SON: variants seen among roughly 807,000 people sequenced by gnomAD.
SON encodes SON DNA and RNA binding protein, also known as protein SON.
Under a neutral mutation model 173.3 loss-of-function variants are expected in SON, and 4 were observed. The ratio of observed to expected loss-of-function variants is 0.02; its 90% CI spans 0.01 to 0.05. The LOEUF (loss-of-function observed/expected upper bound fraction) is 0.05, where lower values mean the gene tolerates loss of function less well. Among genes scored for constraint, SON ranks in the 10% least tolerant of loss-of-function variants. The pLI is 1.00. For missense variants in SON, 2,626 were observed against 3,055.3 expected, an observed-to-expected ratio of 0.86 and a Z score of 3.31; for synonymous variants, 1,190 against 1,105.9, an observed-to-expected ratio of 1.08 and a Z score of -1.51.
In SON at chr21:33,552,871, C is replaced by T. The variant is rs191169903; in HGVS notation, c.3640C>T (p.Pro1214Ser). Residue 1214 changes from proline to serine, a missense_variant, in exon 3 of 12, where the codon CCT (proline) becomes TCT (serine). By Grantham distance (74) the Pro-to-Ser change is moderately conservative. Transcript: ENST00000356577. This position sits in a 1 kb window ranked among gnomAD's most constrained non-coding sequence, Gnocchi z 5.6. ...SEESVSQPEP[P>S]VSQSEISEPS... ...AGAGTCTGTATCGCAGCCTGAGCCT[C>T]CTGTGAGTCAAAGTGAGATTTCGGA... 9.8e-5 allele frequency: 158 copies of T among 1,613,868 alleles called. 1 individual carries two copies. The highest frequency in any genetic ancestry group is 7.5e-4 in the Admixed American group (45 of 60,012).
At chr21:33,557,077 T>C (rs553935839) in intron 3 of SON, 79 bp from the exon 4 acceptor site, 10 of 1,339,594 alleles carry the variant, frequency 7.5e-6, no homozygotes. Flanking sequence ...CCTTTAGTTT[T>C]GTTAGTATGT....
intron 2 of SON, chr21:33,546,887 T>TG (rs1284690970): frequency 6.6e-6 from 1 of 152,344 alleles, no homozygotes; most frequent in Non-Finnish European, 1.5e-5. Context: ...AAACAAACAT[T>TG]GATGTACTTG....
In SON at chr21:33,550,671, A is replaced by G. The variant is rs753967693; in HGVS notation, c.1440A>G (p.Pro480=). Residue 480 remains proline (P), a synonymous_variant, in exon 3 of 12, where the codon CCA becomes CCG. Transcript: ENST00000356577. ...PEPPVMAQEL[P]GLPLVTAAVE... ...CACCTGTGATGGCACAGGAGTTGCCAGGGCTGCCTTTGGTGACAGCAGCAG... is the reference window on the plus strand; with the variant it reads ...CACCTGTGATGGCACAGGAGTTGCCGGGGCTGCCTTTGGTGACAGCAGCAG... The G allele has an allele frequency of 6.2e-6, 10 of 1,614,022 alleles. No homozygotes were observed. The East Asian group carries it at 2.2e-4, about 36-fold the overall frequency.
chr21:33,543,322 AAC>A, intron 1 of SON, 153 bp downstream of exon 1: 1 of 563,256 alleles, frequency 1.8e-6, no homozygotes, highest in South Asian at 1.8e-5. Flanking sequence ...GGCCCCCCCC[AAC>A]CGCCCCCCCA....
Position 33,554,083 on chromosome 21 carries a change from T to G in SON, c.4852T>G (p.Ser1618Ala). Residue 1618 changes from serine (S) to alanine (A), a missense_variant, in exon 3 of 12, where the codon TCT becomes GCT. Ser to Ala is a moderately conservative substitution (Grantham distance 99). This residue lies in a region of SON where 1,006 missense variants were observed against 895.6 expected (regional missense o/e 1.12). Transcript: ENST00000356577. ...TSKGIEFTTA[S>A]TLSLVNKYDV... ...TAAGGGTATTGAATTTACCACAGCA[T>G]CTACTCTCAGTTTAGTTAATAAATA... 1 of 1,614,108 alleles carries G rather than the reference T, an allele frequency of 6.2e-7. No individual in the cohort carries two copies. Among genetic ancestry groups the G allele is most frequent in the Non-Finnish European group, 8.5e-7 (1 of 1,179,978 alleles).
chr21:33,561,109 T>C (rs1275852710), intron 6 of SON, among the ~76,000 whole-genome samples: 1 of 152,218 alleles, frequency 6.6e-6, no homozygotes, highest in African/African-American at 2.4e-5. Context: ...ACAATGAAGC[T>C]GGACATGATA....
chr21:33,575,771 C>T lies in SON; in HGVS notation c.7106-7C>T, dbSNP rs762104734. The T allele has an allele frequency of 1.7e-5, 27 of 1,588,728 alleles. No individual in the cohort carries two copies. The Admixed American group carries it at 2.4e-4, about 14-fold the overall frequency. ...AATTTAAAACTGGGTATTTCTCCCC[C>T]CTGCAGGCAAACATCCTGTGTCTGC... On this transcript the variant is annotated splice_region_variant and splice_polypyrimidine_tract_variant and intron_variant, in intron 10 of 11. Transcript: ENST00000356577.
At chr21:33,570,947 C>A (rs1382609883) in intron 8 of SON, among the ~76,000 whole-genome samples, 1 of 152,162 alleles carries the variant, frequency 6.6e-6, no homozygotes, top group Admixed American at 6.5e-5. Flanking sequence ...TTTACTGACT[C>A]AATTGGTTTT....
rs748353452 is a variant in SON, at chr21:33,552,014, A to T, written c.2783A>T (p.Tyr928Phe). The T allele has an allele frequency of 6.2e-7, 1 of 1,613,956 alleles. No individual in the cohort carries two copies. Among genetic ancestry groups the T allele is most frequent in the African/African-American group, 1.3e-5 (1 of 74,878 alleles). Reference protein sequence around the residue: ...QDPYRLAQDPYRLGHDPYRLG... With the variant: ...QDPYRLAQDPFRLGHDPYRLG... ...CCTTACAGGTTAGCTCAGGATCCCT[A>T]TAGGTTGGGCCATGACCCCTATAGA... is the stretch of plus-strand genomic sequence containing the variant. The change falls in exon 3 of 12, where the codon TAT becomes TTT. Residue 928 changes from tyrosine (Y) to phenylalanine (F), a missense_variant. Physicochemically the swap from Tyr to Phe is conservative, Grantham distance 22. Coordinates refer to ENST00000356577, the MANE Select transcript of SON (RefSeq NM_138927.4). The surrounding 1 kb of genome is among the most constrained non-coding windows in gnomAD (Gnocchi z 5.6).
Position 33,553,771 on chromosome 21 carries a change from C to T in SON, c.4540C>T (p.His1514Tyr). Residue 1514 changes from histidine (H) to tyrosine (Y), a missense_variant, in exon 3 of 12, where the codon CAT (histidine) becomes TAT (tyrosine). Physicochemically the swap from His to Tyr is moderately conservative, Grantham distance 83. This residue lies in a region of SON where 1,006 missense variants were observed against 895.6 expected (regional missense o/e 1.12). Coordinates refer to ENST00000356577, the MANE Select transcript of SON (RefSeq NM_138927.4). ...TGCATTGCATTCAGGTGAAGAACCACATGCTGAGGAACACCTGAAAGGTGA... is the reference window on the plus strand; with the variant it reads ...TGCATTGCATTCAGGTGAAGAACCATATGCTGAGGAACACCTGAAAGGTGA... ...EIALHSGEEPHAEEHLKGDFY... is the reference protein window; with the variant it reads ...EIALHSGEEPYAEEHLKGDFY... 4 of 1,614,048 alleles carry T rather than the reference C, an allele frequency of 2.5e-6. No homozygotes were observed. The highest frequency in any genetic ancestry group is 3.4e-6 in the Non-Finnish European group (4 of 1,179,972).
At position 33,575,667 on chromosome 21, in the gene SON, G is replaced by A; in HGVS notation, c.7105G>A (p.Gly2369Ser). 1 of 1,611,976 alleles carries A rather than the reference G, an allele frequency of 6.2e-7. No homozygotes were observed. The highest frequency in any genetic ancestry group is 8.5e-7 in the Non-Finnish European group (1 of 1,178,640). Residue 2369 changes from glycine (G) to serine (S), a missense_variant and splice_region_variant, in exon 10 of 12, where the codon GGC (glycine) becomes AGC (serine). Coordinates refer to ENST00000356577, the MANE Select transcript of SON (RefSeq NM_138927.4). ...CTCTGCTGCAATGAAAGATCTGTCAGGTGAGAGCACGTTTTTGAATTTCCT... is the reference window on the plus strand; with the variant it reads ...CTCTGCTGCAATGAAAGATCTGTCAAGTGAGAGCACGTTTTTGAATTTCCT... ...NFSAAMKDLS[G>S]KHPVSALMEI... is the part of the protein sequence containing the mutation.
At chr21:33,572,747 GT>G (rs2086311649) in intron 8 of SON, 1 of 328,220 alleles carries the variant, frequency 3.0e-6, no homozygotes, top group African/African-American at 2.3e-5. Flanking sequence ...TTTTCTATTT[GT>G]TACTGTGTAA....
rs751801988 is a variant in SON, at chr21:33,551,976, G to A, written c.2745G>A (p.Arg915=). The part of the protein sequence containing the change: ...MLGSKSPDPY[R]LAQDPYRLAQ... ...GTTCAAAATCTCCTGATCCCTATAG[G>A]TTAGCTCAGGATCCTTACAGGTTAG... is the stretch of plus-strand genomic sequence containing the variant. The change falls in exon 3 of 12, where the codon AGG becomes AGA. Residue 915 remains arginine, a synonymous_variant. Transcript: ENST00000356577. The A allele has an allele frequency of 2.2e-5, 35 of 1,613,828 alleles. No homozygotes were observed. The highest frequency in any genetic ancestry group is 2.6e-5 in the Non-Finnish European group (31 of 1,179,862).
At chr21:33,573,516 C>A in intron 9 of SON, 61 bp downstream of exon 9, 1 of 1,443,322 alleles carries the variant, frequency 6.9e-7, no homozygotes, top group South Asian at 1.3e-5. Context: ...TTTAATATAT[C>A]CTTTTGAACC....
Position 33,559,444 on chromosome 21 carries a change from TC to T in SON, c.6468+69del. ...TGGAACTATTTAAATAAAACCCAAATCGAATTTAGTTTATTAATTTTTGTTT... is the reference window on the plus strand; with the variant it reads ...TGGAACTATTTAAATAAAACCCAAATGAATTTAGTTTATTAATTTTTGTTT... On this transcript the variant is annotated intron_variant, in intron 5 of 11. Transcript: ENST00000356577. This position sits in a 1 kb window ranked among gnomAD's most constrained non-coding sequence, Gnocchi z 4.1. 1 of 1,508,618 alleles carries T rather than the reference TC, an allele frequency of 6.6e-7. No individual in the cohort carries two copies. Among genetic ancestry groups the T allele is most frequent in the Non-Finnish European group, 8.9e-7 (1 of 1,119,838 alleles). 93.5% of individuals were successfully genotyped at this position (1,508,618 alleles called of 1,614,324 possible).
chr21:33,569,177 A>C (rs1010791090), intron 8 of SON, 90 bp downstream of exon 8: 6 of 728,768 alleles, frequency 8.2e-6, no homozygotes, highest in African/African-American at 7.2e-5. Flanking sequence ...AAGACCAGTG[A>C]CTCTAACCAA....
intron 3 of SON, among the ~76,000 whole-genome samples, chr21:33,556,569 A>G (rs1299195356): frequency 4.0e-5 from 6 of 151,836 alleles, no homozygotes; most frequent in Non-Finnish European, 8.8e-5. Flanking sequence ...AAAAAATTAG[A>G]TGGGTGTGGT....
At chr21:33,574,926 G>C (rs1489841233) in intron 9 of SON, among the ~76,000 whole-genome samples, 1 of 152,174 alleles carries the variant, frequency 6.6e-6, no homozygotes, top group African/African-American at 2.4e-5. Context: ...TTTATTTGGA[G>C]ACAACCGTTT....
rs2085608562 is a variant in SON at position 33,546,142 on chromosome 21, GTAAT to G, written c.78-65_78-62del. On this transcript the variant is annotated intron_variant, in intron 1 of 11. Transcript: ENST00000356577. ...ACAGTCAGTACAACATATGATTATT[GTAAT>G]TAATTGGATTTTTTTATTAATGGTA... The G allele has an allele frequency of 1.1e-5, 14 of 1,316,618 alleles. No homozygotes were observed. The Admixed American group carries it at 2.5e-4, about 24-fold the overall frequency. The allele number at this position is 1,316,618 out of a possible 1,614,324, so 81.6% of individuals were successfully genotyped here. A position where few individuals can be genotyped will look rare whatever the true frequency, so the allele number is the denominator to read the frequency against.
Sources: allele counts gnomAD v4.1 joint callset (sites outside exome capture counted in the v4.1 genomes callset), GRCh38; gene constraint gnomAD v4.1.1; regional missense constraint gnomAD v4.1.1; non-coding constraint Gnocchi (gnomAD v3.1); transcripts MANE v1.5; gene names NCBI Gene and HGNC (gene_info 2026-07-23, HGNC 2026-07-21).